TENM3: variants seen among roughly 807,000 people sequenced by gnomAD.
The protein encoded by TENM3 is teneurin-3.
TENM3 carries 63 observed loss-of-function variants against 255.1 expected under a neutral mutation model. That is an observed-to-expected ratio of 0.25 (90% CI 0.20 to 0.30). The LOEUF is 0.30. TENM3 is among the 10% of genes least tolerant of loss of function. The pLI, the probability that TENM3 is intolerant of heterozygous loss-of-function variation, is 1.00. For synonymous variants in TENM3, 1,306 were observed against 1,322.3 expected (o/e 0.99, Z 0.27); for missense variants, 2,929 against 3,461.1 (o/e 0.85, Z 3.86).
At chr4:182,393,796 G>C (rs1580397685) in intron 3 of TENM3, among the ~76,000 whole-genome samples, 4 of 152,116 alleles carry the variant, frequency 2.6e-5, no homozygotes, top group African/African-American at 9.7e-5. Flanking sequence ...ACAGAGGATT[G>C]CTGGCATGTT....
intron 4 of TENM3, among the ~76,000 whole-genome samples, chr4:182,603,768 TATATATA>T (rs1748129818): frequency 8.5e-6 from 1 of 117,822 alleles, no homozygotes; most frequent in Non-Finnish European, 1.8e-5. Flanking sequence ...CAATTATTTA[TATATATA>T]TATATATATA....
chr4:182,199,483 G>A (rs1579685385), intron 1 of TENM3, among the ~76,000 whole-genome samples: 1 of 152,228 alleles, frequency 6.6e-6, no homozygotes, highest in East Asian at 1.9e-4. Flanking sequence ...TATCTTAGGA[G>A]CAAAAATCAT....
At chr4:181,663,616 C>G in the TENM3 span, among the ~76,000 whole-genome samples, 2 of 152,082 alleles carry the variant, frequency 1.3e-5, no homozygotes, top group African/African-American at 4.8e-5. Flanking sequence ...GCTTAAAGAG[C>G]TGTAGATTTC....
chr4:182,356,012 T>C (rs1765500755), intron 3 of TENM3, among the ~76,000 whole-genome samples: 1 of 151,810 alleles, frequency 6.6e-6, no homozygotes, highest in African/African-American at 2.4e-5. Flanking sequence ...TTAAACCTCT[T>C]TCTGAAAGCA....
intron 3 of TENM3, among the ~76,000 whole-genome samples, chr4:182,538,829 G>T (rs2151876530): frequency 6.6e-6 from 1 of 152,148 alleles, no homozygotes; most frequent in East Asian, 1.9e-4. Flanking sequence ...GGAAAGGATG[G>T]CTGGTGGTAC....
At chr4:182,513,326 A>G (rs2151731398) in intron 3 of TENM3, among the ~76,000 whole-genome samples, 1 of 152,318 alleles carries the variant, frequency 6.6e-6, no homozygotes, top group South Asian at 2.1e-4. Flanking sequence ...GCCTGGAAAA[A>G]TTAAATGTAT....
intron 3 of TENM3, among the ~76,000 whole-genome samples, chr4:182,424,924 A>C (rs954500062): frequency 6.6e-6 from 1 of 152,216 alleles, no homozygotes; most frequent in Non-Finnish European, 1.5e-5. Flanking sequence ...CCAATTGAGT[A>C]TAGAACTATT....
At chr4:182,251,085 G>A (rs903049935) in intron 1 of TENM3, among the ~76,000 whole-genome samples, 5 of 152,184 alleles carry the variant, frequency 3.3e-5, no homozygotes, top group African/African-American at 1.2e-4. Flanking sequence ...TCATTTGAAG[G>A]GTTCGGGGCC....
chr4:182,509,083 A>G (rs992790766), intron 3 of TENM3, among the ~76,000 whole-genome samples: 1 of 152,224 alleles, frequency 6.6e-6, no homozygotes, highest in African/African-American at 2.4e-5. Flanking sequence ...ATTCACTCTA[A>G]TGCACATGGA....
At chr4:182,161,529 A>G (rs183581551) in intron 1 of TENM3, among the ~76,000 whole-genome samples, 6,858 of 137,128 alleles carry the variant, frequency 0.05, 223 homozygotes, top group Non-Finnish European at 0.07. Context: ...GGAGGTTGCA[A>G]TGAGCCGAGA....
chr4:181,883,836 GAACAA>G, the TENM3 span, among the ~76,000 whole-genome samples: 2 of 152,154 alleles, frequency 1.3e-5, no homozygotes, highest in Non-Finnish European at 2.9e-5. Context: ...TTAATGGCAG[GAACAA>G]GGAGAATAGA....
intron 1 of TENM3, among the ~76,000 whole-genome samples, chr4:182,255,325 G>T (rs1027210603): frequency 2.0e-5 from 3 of 152,066 alleles, no homozygotes; most frequent in Non-Finnish European, 4.4e-5. Context: ...TTTTAAACAC[G>T]TAATGGATGA....
At chr4:181,639,976 G>A in the TENM3 span, among the ~76,000 whole-genome samples, 1 of 152,166 alleles carries the variant, frequency 6.6e-6, no homozygotes, top group African/African-American at 2.4e-5. Context: ...CATTTATTTT[G>A]TGATGCAGTG....
chr4:182,278,053 A>G (rs952282956), intron 1 of TENM3, among the ~76,000 whole-genome samples: 1 of 152,160 alleles, frequency 6.6e-6, no homozygotes, highest in African/African-American at 2.4e-5. Context: ...AGAACTGAGA[A>G]GTAATTAACT....
intron 1 of TENM3, among the ~76,000 whole-genome samples, chr4:182,148,692 A>G (rs951485140): frequency 6.6e-6 from 1 of 152,092 alleles, no homozygotes; most frequent in African/African-American, 2.4e-5. Flanking sequence ...AATCCTGACA[A>G]TGAAAGATAA....
chr4:182,551,579 A>G (rs1742025923), intron 3 of TENM3, among the ~76,000 whole-genome samples: 1 of 152,160 alleles, frequency 6.6e-6, no homozygotes, highest in Non-Finnish European at 1.5e-5. Flanking sequence ...TAGGAATAAA[A>G]TTAAAATTAT....
At chr4:182,337,780 A>C (rs1457210345) in intron 2 of TENM3, among the ~76,000 whole-genome samples, 1 of 152,244 alleles carries the variant, frequency 6.6e-6, no homozygotes, top group African/African-American at 2.4e-5. Context: ...TTGTATGTTA[A>C]TACAATAGAA....
intron 3 of TENM3, among the ~76,000 whole-genome samples, chr4:182,529,481 A>C (rs1739557692): frequency 6.6e-6 from 1 of 152,026 alleles, no homozygotes; most frequent in Non-Finnish European, 1.5e-5. Context: ...ACTAACTTTT[A>C]GTGTTTGTCT....
chr4:182,511,421 AG>A (rs1580787049), intron 3 of TENM3, among the ~76,000 whole-genome samples: 1 of 152,270 alleles, frequency 6.6e-6, no homozygotes, highest in East Asian at 1.9e-4. Flanking sequence ...CAGCTGCAAG[AG>A]TAATTAAATT....
Sources: allele counts gnomAD v4.1 joint callset (sites outside exome capture counted in the v4.1 genomes callset), GRCh38; gene constraint gnomAD v4.1.1; transcripts MANE v1.5; gene names NCBI Gene and HGNC (gene_info 2026-07-23, HGNC 2026-07-21).